Variants in RAD51B observed in about 807,000 individuals in gnomAD.
RAD51B encodes DNA repair protein RAD51 homolog 2.
A neutral mutation model predicts 42.2 loss-of-function variants in RAD51B; 38 were observed. The ratio of observed to expected loss-of-function variants is 0.90; its 90% CI spans 0.70 to 1.18. The LOEUF (loss-of-function observed/expected upper bound fraction) is 1.18, where lower values mean the gene tolerates loss of function less well. Ranked by LOEUF, RAD51B falls within the 50% of genes most tolerant of loss-of-function variation. The pLI is 0.00. For synonymous variants in RAD51B, 154 were observed against 145.2 expected, an observed-to-expected ratio of 1.06 and a Z score of -0.43; for missense variants, 373 against 400.7, an observed-to-expected ratio of 0.93 and a Z score of 0.59.
intron 7 of RAD51B, among the ~76,000 whole-genome samples, chr14:68,116,910 T>C (rs2140611847): frequency 6.6e-6 from 1 of 152,312 alleles, no homozygotes; most frequent in Admixed American, 6.5e-5. Flanking sequence ...ATGAGCACAT[T>C]TGAGGAATTT....
intron 7 of RAD51B, among the ~76,000 whole-genome samples, chr14:68,237,510 T>C (rs1245331494): frequency 7.2e-5 from 11 of 152,180 alleles, no homozygotes; most frequent in Non-Finnish European, 1.6e-4. Flanking sequence ...GTGTAACTAT[T>C]GTCATTATCA....
intron 10 of RAD51B, among the ~76,000 whole-genome samples, chr14:68,512,631 T>C (rs1222602650): frequency 6.6e-6 from 1 of 152,160 alleles, no homozygotes; most frequent in Non-Finnish European, 1.5e-5. Flanking sequence ...ATTCATTTAT[T>C]CACTCAACAA....
At chr14:67,984,162 C>A (rs917747385) in intron 7 of RAD51B, among the ~76,000 whole-genome samples, 3 of 152,118 alleles carry the variant, frequency 2.0e-5, no homozygotes, top group African/African-American at 7.2e-5. Flanking sequence ...TGGTCTCGAT[C>A]TCTTGACCTC....
At chr14:68,340,758 A>G (rs889159678) in intron 8 of RAD51B, among the ~76,000 whole-genome samples, 3 of 152,230 alleles carry the variant, frequency 2.0e-5, no homozygotes, top group East Asian at 3.8e-4. Context: ...GGTTTTCCCT[A>G]GGCTCCTATA....
chr14:68,138,746 T>C (rs980220783), intron 7 of RAD51B, among the ~76,000 whole-genome samples: 1 of 152,170 alleles, frequency 6.6e-6, no homozygotes, highest in Admixed American at 6.5e-5. Flanking sequence ...TAAAAAATAG[T>C]CAAGGAAATT....
chr14:68,616,985 T>C (rs1000361171), intron 10 of RAD51B, among the ~76,000 whole-genome samples: 6 of 152,168 alleles, frequency 3.9e-5, no homozygotes, highest in Non-Finnish European at 7.3e-5. Flanking sequence ...TCCTGGAGTA[T>C]ATTTTGCCTA....
intron 10 of RAD51B, among the ~76,000 whole-genome samples, chr14:68,507,144 A>G (rs1885389472): frequency 6.6e-6 from 1 of 152,164 alleles, no homozygotes; most frequent in African/African-American, 2.4e-5. Context: ...TCAATTTTCA[A>G]TATTAATCCA....
intron 11 of RAD51B, among the ~76,000 whole-genome samples, chr14:68,664,509 A>G (rs1388052819): frequency 7.2e-5 from 11 of 152,210 alleles, no homozygotes; most frequent in African/African-American, 2.4e-4. Context: ...TTTAGCTGAT[A>G]TAGGGCAAAA....
chr14:68,077,781 C>A (rs2076856187), intron 7 of RAD51B, among the ~76,000 whole-genome samples: 2 of 152,146 alleles, frequency 1.3e-5, no homozygotes, highest in Admixed American at 1.3e-4. Context: ...CATGGTGAAA[C>A]CCTGTCTCTA....
intron 7 of RAD51B, among the ~76,000 whole-genome samples, chr14:68,116,990 C>T (rs1022684664): frequency 6.6e-6 from 1 of 151,970 alleles, no homozygotes; most frequent in Non-Finnish European, 1.5e-5. Context: ...TACATAAGTC[C>T]CTTGGAAGGT....
intron 7 of RAD51B, among the ~76,000 whole-genome samples, chr14:67,929,137 G>T (rs1278427735): frequency 1.3e-5 from 2 of 151,608 alleles, no homozygotes; most frequent in East Asian, 1.9e-4. Flanking sequence ...CTAATTTTTG[G>T]TTTTCTTTGT....
At chr14:67,855,535 C>T (rs370742004) in intron 4 of RAD51B, among the ~76,000 whole-genome samples, 75 of 152,180 alleles carry the variant, frequency 4.9e-4, no homozygotes, top group African/African-American at 8.2e-4. Context: ...CCACCGCACC[C>T]GGCCTATTAT....
intron 8 of RAD51B, among the ~76,000 whole-genome samples, chr14:68,347,504 G>C (rs2082698706): frequency 6.6e-6 from 1 of 152,152 alleles, no homozygotes; most frequent in African/African-American, 2.4e-5. Context: ...CGACGTAGTA[G>C]GGACCCATTC....
chr14:68,449,729 CT>C (rs1471995078), intron 9 of RAD51B, among the ~76,000 whole-genome samples: 1 of 152,052 alleles, frequency 6.6e-6, no homozygotes, highest in Non-Finnish European at 1.5e-5. Context: ...TCTCTTTTTT[CT>C]TGCCTTTTTT....
At chr14:68,472,614 AGT>A (rs1346163638) in intron 10 of RAD51B, among the ~76,000 whole-genome samples, 1 of 152,210 alleles carries the variant, frequency 6.6e-6, no homozygotes, top group Non-Finnish European at 1.5e-5. Context: ...GTAAGACAGA[AGT>A]GTGTTTTTTA....
chr14:68,525,085 A>G (rs774360745), intron 10 of RAD51B, among the ~76,000 whole-genome samples: 18 of 152,280 alleles, frequency 1.2e-4, no homozygotes, highest in Admixed American at 3.9e-4. Flanking sequence ...TTGGCCAAGC[A>G]TAATCACAAG....
intron 9 of RAD51B, among the ~76,000 whole-genome samples, chr14:68,426,839 G>A (rs754600009): frequency 7.2e-5 from 11 of 152,296 alleles, no homozygotes; most frequent in Non-Finnish European, 1.3e-4. Flanking sequence ...TTTTAAGGCT[G>A]CCCCTCCCAT....
chr14:68,457,173 A>G (rs543094033), intron 9 of RAD51B, among the ~76,000 whole-genome samples: 27 of 152,060 alleles, frequency 1.8e-4, no homozygotes, highest in Middle Eastern at 6.8e-3. Context: ...TCGGCCTCCC[A>G]AAGTGCTGGT....
chr14:67,832,168 G>T (rs1306271623), intron 3 of RAD51B, among the ~76,000 whole-genome samples: 1 of 152,058 alleles, frequency 6.6e-6, no homozygotes, highest in Admixed American at 6.5e-5. Context: ...CAGAGGCAAG[G>T]TCTTGCTATG....
Sources: allele counts gnomAD v4.1 joint callset (sites outside exome capture counted in the v4.1 genomes callset), GRCh38; gene constraint gnomAD v4.1.1; transcripts MANE v1.5; gene names NCBI Gene and HGNC (gene_info 2026-07-23, HGNC 2026-07-21).